ABL2: variants seen among roughly 807,000 people sequenced by gnomAD.
ABL2 encodes the protein ABL proto-oncogene 2, non-receptor tyrosine kinase, also known as tyrosine-protein kinase ABL2.
A neutral mutation model predicts 107.7 loss-of-function variants in ABL2; 49 were observed. That is an observed-to-expected ratio of 0.45 (90% CI 0.36 to 0.58). The LOEUF (loss-of-function observed/expected upper bound fraction) is 0.58. ABL2 is among the 20% of genes least tolerant of loss of function. ABL2 has a pLI of 0.00. For synonymous variants in ABL2, 549 were observed against 548.6 expected (o/e 1.00, Z -0.01); for missense variants, 1,245 against 1,457.0 (o/e 0.85, Z 2.37).
At chr1:179,120,324 C>CA (rs751898753) in intron 5 of ABL2, 50 bp from the exon 6 acceptor site, 1 of 1,193,844 alleles carries the variant, frequency 8.4e-7, no homozygotes, top group Admixed American at 2.0e-5. Context: ...GACAAACCCT[C>CA]AACTTAAAAT....
chr1:179,128,372 G>C (rs1655950109), intron 3 of ABL2, among the ~76,000 whole-genome samples: 1 of 151,798 alleles, frequency 6.6e-6, no homozygotes, highest in Non-Finnish European at 1.5e-5. Context: ...TAGAAAAACT[G>C]AAGAAAACCT....
At chr1:179,204,954 A>G (rs895140507) in intron 1 of ABL2, among the ~76,000 whole-genome samples, 2 of 152,052 alleles carry the variant, frequency 1.3e-5, no homozygotes, top group African/African-American at 2.4e-5. Context: ...GAAGGGGCTC[A>G]GAGTGCTGCA....
intron 1 of ABL2, among the ~76,000 whole-genome samples, chr1:179,196,274 C>A (rs1299954065): frequency 6.6e-6 from 1 of 151,996 alleles, no homozygotes; most frequent in Non-Finnish European, 1.5e-5. Context: ...CAAAATGCAC[C>A]CCCATTTCCT....
intron 1 of ABL2, among the ~76,000 whole-genome samples, chr1:179,209,924 G>A (rs963503509): frequency 1.3e-5 from 2 of 152,070 alleles, no homozygotes; most frequent in African/African-American, 4.8e-5. Context: ...ACCCAGACTG[G>A]AGTGCAGTGG....
chr1:179,164,508 T>C (rs1490899221), intron 1 of ABL2, among the ~76,000 whole-genome samples: 2 of 152,192 alleles, frequency 1.3e-5, no homozygotes, highest in East Asian at 1.9e-4. Context: ...CCATTGCCTA[T>C]GTTATTTAGG....
chr1:179,122,684 C>CA (rs1265302279), intron 4 of ABL2, among the ~76,000 whole-genome samples: 2 of 151,576 alleles, frequency 1.3e-5, no homozygotes, highest in Non-Finnish European at 2.9e-5. Flanking sequence ...GACAGAGTCT[C>CA]ACTCTGTTGC....
intron 1 of ABL2, among the ~76,000 whole-genome samples, chr1:179,175,021 C>T (rs1659968342): frequency 1.3e-5 from 2 of 151,196 alleles, no homozygotes; most frequent in South Asian, 4.2e-4. Flanking sequence ...TAGTGTCTTT[C>T]CCCCATGGAA....
At chr1:179,125,289 G>C (rs902626710) in intron 4 of ABL2, among the ~76,000 whole-genome samples, 1 of 152,208 alleles carries the variant, frequency 6.6e-6, no homozygotes, top group African/African-American at 2.4e-5. Flanking sequence ...GGTGTGTGTA[G>C]CAGTACTGTG....
chr1:179,217,328 G>A (rs376869787), intron 1 of ABL2, among the ~76,000 whole-genome samples: 3 of 143,724 alleles, frequency 2.1e-5, no homozygotes, highest in East Asian at 4.3e-4. Flanking sequence ...AAAAAGAGCC[G>A]CTCGGCCTGT....
intron 1 of ABL2, 71 bp downstream of exon 1, chr1:179,229,170 G>GGCCCCCCCCCCCCCCCCCCCCCC: frequency 3.8e-6 from 1 of 266,256 alleles, no homozygotes. Flanking sequence ...CAGCCCGTCC[G>GGCCCCCCCCCCCCCCCCCCCCCC]CCACCCACCC....
At chr1:179,159,725 C>T (rs1658948998) in intron 1 of ABL2, among the ~76,000 whole-genome samples, 1 of 152,066 alleles carries the variant, frequency 6.6e-6, no homozygotes, top group South Asian at 2.1e-4. Context: ...TAATGAAGTA[C>T]AGGCTTTTCT....
At chr1:179,183,726 C>T (rs1660515383) in intron 1 of ABL2, 1 of 152,448 alleles carries the variant, frequency 6.6e-6, no homozygotes, top group South Asian at 2.1e-4. Context: ...ATTTCTTCAT[C>T]TGTAAAATTA....
At chr1:179,159,587 A>G (rs567547441) in intron 1 of ABL2, among the ~76,000 whole-genome samples, 1 of 152,270 alleles carries the variant, frequency 6.6e-6, no homozygotes, top group Non-Finnish European at 1.5e-5. Context: ...TGTTTTTGCA[A>G]CTGTCATTAC....
intron 1 of ABL2, chr1:179,143,164 A>C: frequency 7.7e-7 from 1 of 1,304,648 alleles, no homozygotes; most frequent in Non-Finnish European, 1.0e-6. Context: ...CAGTGGCCAG[A>C]GGGAACCAAT....
chr1:179,187,965 T>A (rs192335773), intron 1 of ABL2, among the ~76,000 whole-genome samples: 6 of 152,278 alleles, frequency 3.9e-5, no homozygotes, highest in African/African-American at 1.4e-4. Context: ...TAACCAGTCA[T>A]CAGCAATCCC....
intron 3 of ABL2, 51 bp downstream of exon 3, chr1:179,131,260 T>TA: frequency 1.9e-6 from 3 of 1,582,654 alleles, no homozygotes; most frequent in Non-Finnish European, 2.6e-6. Flanking sequence ...CTTTATCTCT[T>TA]AATCATTAAT....
Position 179,115,040 on chromosome 1 carries a change from G to C in ABL2, c.1409-10C>G, listed in dbSNP as rs28913875. ...AACAATACCCCAAAAGCTGCATAAG[G>C]AATTAAAAAAAGCACTTAGTGTTTC... On this transcript the variant is annotated splice_polypyrimidine_tract_variant and intron_variant, in intron 8 of 11. Transcript: ENST00000502732. The C allele has an allele frequency of 1.9e-6, 3 of 1,568,786 alleles. No homozygotes were observed. Among genetic ancestry groups the C allele is most frequent in the Non-Finnish European group, 2.6e-6 (3 of 1,161,462 alleles).
chr1:179,133,371 T>C lies in ABL2; in HGVS notation c.161A>G (p.His54Arg). ...TGFNIFTQHD[H>R]FASCVEDGFE... ...TCCATCCTCCACACAGCTGGCAAAG[T>C]GATCTATTTAAGAAAAAAATTGACC... The change falls in exon 2 of 12, where the codon CAC becomes CGC. Residue 54 changes from histidine (H) to arginine (R), a missense_variant. Physicochemically the swap from His to Arg is conservative, Grantham distance 29. Coordinates refer to ENST00000502732, the MANE Select transcript of ABL2 (RefSeq NM_007314.4). The C allele has an allele frequency of 6.2e-7, 1 of 1,614,118 alleles. No homozygotes were observed. The highest frequency in any genetic ancestry group is 8.5e-7 in the Non-Finnish European group (1 of 1,180,014).
In ABL2 at chr1:179,105,728, T is replaced by C. The variant is rs1653426498; in HGVS notation, c.*1990A>G. Reference sequence around the variant, plus strand: ...AGCAATGGTAAGAATCAAGGTTTCCTTTCTTTCCAATGAAAACTCAATTTT... The same window carrying C: ...AGCAATGGTAAGAATCAAGGTTTCCCTTCTTTCCAATGAAAACTCAATTTT... On this transcript the variant is annotated 3_prime_UTR_variant, in exon 12 of 12. Coordinates refer to ENST00000502732, the MANE Select transcript of ABL2 (RefSeq NM_007314.4). 1 of 226,976 alleles carries C rather than the reference T, an allele frequency of 4.4e-6. No individual in the cohort carries two copies. Among genetic ancestry groups the C allele is most frequent in the Non-Finnish European group, 8.8e-6 (1 of 114,156 alleles). 14.1% of individuals were successfully genotyped at this position (226,976 alleles called of 1,614,324 possible). A position where few individuals can be genotyped will look rare whatever the true frequency, so the allele number is the denominator to read the frequency against.
Sources: allele counts gnomAD v4.1 joint callset (sites outside exome capture counted in the v4.1 genomes callset), GRCh38; gene constraint gnomAD v4.1.1; transcripts MANE v1.5; gene names NCBI Gene and HGNC (gene_info 2026-07-23, HGNC 2026-07-21).